The following SLC28A2 variants were observed in gnomAD, a reference collection of about 807,000 sequenced individuals.
The protein encoded by SLC28A2 is sodium/nucleoside cotransporter 2.
SLC28A2 carries 69 observed loss-of-function variants against 72.9 expected under a neutral mutation model. The observed-to-expected ratio is 0.95, with a 90% CI of 0.78 to 1.16. The LOEUF is 1.16. Among genes scored for constraint, SLC28A2 ranks in the 50% most tolerant of loss-of-function variants. The pLI is 0.00. For missense variants in SLC28A2, 745 were observed against 791.1 expected (o/e 0.94, Z 0.70); for synonymous variants, 296 against 294.1 (o/e 1.01, Z -0.07).
intron 3 of SLC28A2, among the ~76,000 whole-genome samples, chr15:45,260,223 G>C (rs770154775): frequency 6.5e-4 from 99 of 152,166 alleles, no homozygotes; most frequent in Non-Finnish European, 1.2e-3. Context: ...TCAACACACT[G>C]ACCTGTCTTT....
intron 3 of SLC28A2, among the ~76,000 whole-genome samples, chr15:45,260,524 A>C (rs16941118): frequency 0.091 from 13,882 of 152,208 alleles, 2,025 homozygotes; most frequent in African/African-American, 0.31. Context: ...GCATGGAAAA[A>C]TGAGGAAGGA....
chr15:45,268,479 A>T, intron 13 of SLC28A2, 101 bp downstream of exon 13: 7 of 949,814 alleles, frequency 7.4e-6, no homozygotes, highest in Non-Finnish European at 9.5e-6. Flanking sequence ...ACCATCTCAC[A>T]CCAGTTAGAA....
intron 3 of SLC28A2, among the ~76,000 whole-genome samples, chr15:45,258,580 T>A (rs776279393): frequency 6.6e-6 from 1 of 152,226 alleles, no homozygotes. Flanking sequence ...GAAGTCTAAT[T>A]TATACTTTAA....
intron 17 of SLC28A2, 103 bp from the exon 18 acceptor site, chr15:45,275,293 G>A: frequency 1.4e-6 from 1 of 701,510 alleles, no homozygotes; most frequent in Non-Finnish European, 2.5e-6. Context: ...TCAATTTACA[G>A]GTTTTTGTTT....
Position 45,277,530 on chromosome 15 carries a change from C to T in SLC28A2, c.*2017C>T, listed in dbSNP as rs935714184. 2 of 150,658 alleles carry T rather than the reference C, an allele frequency of 1.3e-5. No individual in the cohort carries two copies. Among genetic ancestry groups the T allele is most frequent in the Admixed American group, 6.6e-5 (1 of 15,110 alleles). 9.3% of individuals were successfully genotyped at this position (150,658 alleles called of 1,614,324 possible). On this transcript the variant is annotated 3_prime_UTR_variant, in exon 18 of 18. Transcript: ENST00000347644. ...TGATTTATGCTATGTAGAGGCACCC[C>T]GAAAACATGCTAAACGAAAGAAGCT...
At chr15:45,257,572 T>C (rs1900013420) in intron 3 of SLC28A2, among the ~76,000 whole-genome samples, 1 of 152,248 alleles carries the variant, frequency 6.6e-6, no homozygotes, top group African/African-American at 2.4e-5. Context: ...CATGTGTACA[T>C]TTTTCAATTC....
At chr15:45,268,458 C>A (rs1849904701) in intron 13 of SLC28A2, 80 bp downstream of exon 13, 3 of 1,206,370 alleles carry the variant, frequency 2.5e-6, no homozygotes, top group Non-Finnish European at 3.5e-6. Flanking sequence ...AAATCAAAAC[C>A]ACAATGAGAT....
chr15:45,253,734 T>G, intron 3 of SLC28A2: 1 of 432,886 alleles, frequency 2.3e-6, no homozygotes, highest in Non-Finnish European at 4.2e-6. Context: ...AAAATAAAAA[T>G]AATAACAATG....
rs762931759 is a variant in SLC28A2, at chr15:45,272,355, C to A, written c.1709C>A (p.Thr570Lys). ...AAGGTTGTGGTCAGGGCCCTCTTCA[C>A]AGGGGCCTGTGTATCCCTTATCAGT... Reference protein sequence around the residue: ...LSKVVVRALFTGACVSLISAC... With the variant: ...LSKVVVRALFKGACVSLISAC... Residue 570 changes from threonine (T) to lysine (K), a missense_variant, in exon 16 of 18, where the codon ACA becomes AAA. Thr to Lys is a moderately conservative substitution (Grantham distance 78). Transcript: ENST00000347644. The A allele has an allele frequency of 3.1e-6, 5 of 1,614,004 alleles. No individual in the cohort carries two copies. Among genetic ancestry groups the A allele is most frequent in the Non-Finnish European group, 4.2e-6 (5 of 1,179,964 alleles).
chr15:45,271,580 G>GGAAGGAAGGAA (rs1900572241), intron 15 of SLC28A2, among the ~76,000 whole-genome samples: 1 of 145,200 alleles, frequency 6.9e-6, no homozygotes, highest in Non-Finnish European at 1.5e-5. Flanking sequence ...AAGAAGAAAA[G>GGAAGGAAGGAA]GAAGGAAGGA....
chr15:45,269,396 A>G lies in SLC28A2; in HGVS notation c.1427A>G (p.Asp476Gly). The G allele has an allele frequency of 6.2e-7, 1 of 1,613,640 alleles. No homozygotes were observed. Among genetic ancestry groups the G allele is most frequent in the South Asian group, 1.1e-5 (1 of 91,066 alleles). The part of the protein sequence containing the change: ...MVFMMGVEWT[D>G]CPMVAEMVGI... ...TTCATGATGGGTGTAGAGTGGACAG[A>G]CTGTCCAATGGTGGCTGAGATGGTG... Residue 476 changes from aspartate (D) to glycine (G), a missense_variant, in exon 14 of 18, where the codon GAC (aspartate) becomes GGC (glycine). By Grantham distance (94) the Asp-to-Gly change is moderately conservative. Transcript: ENST00000347644.
chr15:45,270,366 G>C lies in SLC28A2; in HGVS notation c.1648+90G>C, dbSNP rs1199006089. ...GTCCTGGTGCTTCAGTACAAGCTGGGATCAGATAGAGAAGCCATTGTGAAA... is the reference window on the plus strand; with the variant it reads ...GTCCTGGTGCTTCAGTACAAGCTGGCATCAGATAGAGAAGCCATTGTGAAA... On this transcript the variant is annotated intron_variant, in intron 15 of 17. Transcript: ENST00000347644. The C allele has an allele frequency of 3.4e-6, 3 of 892,032 alleles. No individual in the cohort carries two copies. The East Asian group carries it at 7.3e-5, about 22-fold the overall frequency. 55.3% of individuals were successfully genotyped at this position (892,032 alleles called of 1,614,324 possible).
chr15:45,263,036 T>C (rs2140567332), intron 4 of SLC28A2, 25 bp from the exon 5 acceptor site: 1 of 1,599,526 alleles, frequency 6.3e-7, no homozygotes, highest in South Asian at 1.1e-5. Flanking sequence ...CTTGCTGATC[T>C]TTACTCTGCT....
At chr15:45,274,516 C>T (rs1595684767) in intron 17 of SLC28A2, among the ~76,000 whole-genome samples, 1 of 149,578 alleles carries the variant, frequency 6.7e-6, no homozygotes, top group East Asian at 2.0e-4. Flanking sequence ...AACAAACAAA[C>T]AAATAAAGAT....
chr15:45,262,562 C>G (rs1900195437), intron 4 of SLC28A2, among the ~76,000 whole-genome samples: 1 of 152,106 alleles, frequency 6.6e-6, no homozygotes, highest in African/African-American at 2.4e-5. Context: ...TAGGAGGCAC[C>G]TGGGATGGTG....
chr15:45,257,972 C>G (rs543913828), intron 3 of SLC28A2, among the ~76,000 whole-genome samples: 3 of 152,222 alleles, frequency 2.0e-5, no homozygotes, highest in Admixed American at 6.5e-5. Context: ...GCCTGTAATC[C>G]CAGCATTTTG....
At chr15:45,261,868 A>T in intron 3 of SLC28A2, 147 bp from the exon 4 acceptor site, 1 of 668,984 alleles carries the variant, frequency 1.5e-6, no homozygotes, top group Non-Finnish European at 2.7e-6. Flanking sequence ...ATTGCAGGAC[A>T]CTACCTAACT....
chr15:45,256,470 A>G (rs185185595), intron 3 of SLC28A2, among the ~76,000 whole-genome samples: 192 of 152,010 alleles, frequency 1.3e-3, no homozygotes, highest in African/African-American at 4.5e-3. Flanking sequence ...GCTGGAGTGC[A>G]GTGGTGTGAT....
chr15:45,266,414 G>A (rs1301036016), intron 10 of SLC28A2, among the ~76,000 whole-genome samples: 3 of 152,052 alleles, frequency 2.0e-5, no homozygotes, highest in Non-Finnish European at 4.4e-5. Flanking sequence ...CACTTCCTAC[G>A]TAGGAATGTA....
Sources: gnomAD v4.1 joint callset for allele counts (sites outside exome capture counted in the v4.1 genomes callset) on GRCh38, gnomAD v4.1.1 for gene constraint, MANE v1.5 for transcripts, NCBI Gene and HGNC (gene_info 2026-07-23, HGNC 2026-07-21) for gene names.